Variants in TNKS observed in about 807,000 individuals in gnomAD.
TNKS encodes the protein poly [ADP-ribose] polymerase tankyrase-1.
TNKS carries 72 observed loss-of-function variants against 135.8 expected under a neutral mutation model. The ratio of observed to expected loss-of-function variants is 0.53; its 90% CI spans 0.44 to 0.64. TNKS has a LOEUF of 0.64. TNKS is among the 30% of genes least tolerant of loss of function. TNKS has a pLI of 0.00. For synonymous variants in TNKS, 849 were observed against 649.3 expected, an observed-to-expected ratio of 1.31 and a Z score of -4.68; for missense variants, 1,769 against 1,674.0, an observed-to-expected ratio of 1.06 and a Z score of -0.99.
At chr8:9,766,480 TGTC>T in intron 25 of TNKS, 55 bp downstream of exon 25, 6 of 1,331,646 alleles carry the variant, frequency 4.5e-6, no homozygotes, top group South Asian at 4.1e-5. Context: ...CGAACCAAAT[TGTC>T]TTTTTTTTTT....
chr8:9,652,539 T>C, intron 3 of TNKS, among the ~76,000 whole-genome samples: 1 of 152,212 alleles, frequency 6.6e-6, no homozygotes, highest in South Asian at 2.1e-4. Context: ...TTTGTTTAAA[T>C]AAAATATGTT....
rs201739957 is a variant in TNKS at position 9,660,728 on chromosome 8, C to T, written c.995-19223C>T. Among the ~76,000 whole-genome samples, 33 of 152,164 alleles carry T rather than the reference C, an allele frequency of 2.2e-4. No individual in the cohort carries two copies. The South Asian group carries it at 4.6e-3, about 21-fold the overall frequency. On this transcript the variant is annotated intron_variant, in intron 3 of 26. Transcript: ENST00000310430. ...TCCTATTCAACATAGTGTTGGAAGT[C>T]CTGGCCAGGGCAATCAGGCAGGAGA... is the stretch of plus-strand genomic sequence containing the variant.
At position 9,555,996 on chromosome 8, in the gene TNKS, G is replaced by T; in HGVS notation, c.57G>T (p.Gln19His). The T allele has an allele frequency of 6.2e-7, 1 of 1,613,338 alleles. No individual in the cohort carries two copies. The highest frequency in any genetic ancestry group is 1.3e-5 in the African/African-American group (1 of 75,038). ...HHHHHHQQQL[Q>H]PAPGASAPPP... ...ACCACCATCATCAACAACAGCTCCA[G>T]CCCGCCCCAGGGGCTTCAGCGCCGC... The change falls in exon 1 of 27, where the codon CAG becomes CAT. Residue 19 changes from glutamine (Q) to histidine (H), a missense_variant. Physicochemically the swap from Gln to His is conservative, Grantham distance 24. Transcript: ENST00000310430.
intron 15 of TNKS, 30 bp from the exon 16 acceptor site, chr8:9,734,835 C>G: frequency 1.9e-6 from 3 of 1,585,274 alleles, no homozygotes; most frequent in South Asian, 1.2e-5. Flanking sequence ...ACAGAAAATA[C>G]AAACCCCATT....
intron 25 of TNKS, among the ~76,000 whole-genome samples, chr8:9,768,305 GC>G (rs1807590385): frequency 6.6e-6 from 1 of 152,192 alleles, no homozygotes; most frequent in South Asian, 2.1e-4. Flanking sequence ...GCATTCATGA[GC>G]TGGCCACAGT....
intron 3 of TNKS, among the ~76,000 whole-genome samples, chr8:9,652,486 C>T (rs776583965): frequency 1.3e-5 from 2 of 152,052 alleles, no homozygotes; most frequent in African/African-American, 2.4e-5. Flanking sequence ...TCTAGGGATG[C>T]AGGAAAATAT....
chr8:9,654,821 G>A (rs1028152294), intron 3 of TNKS, among the ~76,000 whole-genome samples: 3 of 152,212 alleles, frequency 2.0e-5, no homozygotes, highest in East Asian at 1.9e-4. Context: ...CAGCGTGAGC[G>A]ACACAGAAGA....
chr8:9,741,100 C>G (rs1024273318), intron 17 of TNKS: 4 of 152,188 alleles, frequency 2.6e-5, no homozygotes, highest in African/African-American at 7.2e-5. Context: ...CGTGAGCCAC[C>G]ACGCCCGGCC....
In TNKS at chr8:9,766,336, C is replaced by T; in HGVS notation, c.3651C>T (p.Asn1217=). 1 of 1,613,922 alleles carries T rather than the reference C, an allele frequency of 6.2e-7. No individual in the cohort carries two copies. The highest frequency in any genetic ancestry group is 8.5e-7 in the Non-Finnish European group (1 of 1,179,948). The change falls in exon 25 of 27, where the codon AAC becomes AAT. Residue 1217 remains asparagine (N), a synonymous_variant. Coordinates refer to ENST00000310430, the MANE Select transcript of TNKS (RefSeq NM_003747.3). ...GGGCCGGGATTTATTTTGCTGAAAA[C>T]TCCTCAAAAAGCAACCAATATGTTT... ...MFGAGIYFAE[N]SSKSNQYVYG...
intron 15 of TNKS, among the ~76,000 whole-genome samples, chr8:9,734,487 T>A (rs1008281833): frequency 6.6e-6 from 1 of 152,186 alleles, no homozygotes; most frequent in Non-Finnish European, 1.5e-5. Context: ...CTCTTCTTTT[T>A]CATACCTACT....
chr8:9,636,062 T>G (rs1399530986), intron 3 of TNKS, among the ~76,000 whole-genome samples: 3 of 152,222 alleles, frequency 2.0e-5, no homozygotes, highest in East Asian at 3.8e-4. Context: ...AAATAGGCAC[T>G]GAAGTACTAA....
At position 9,751,856 on chromosome 8, in the gene TNKS, C is replaced by T. The variant is rs1806556655; in HGVS notation, c.3070+10C>T. The T allele has an allele frequency of 1.2e-6, 2 of 1,610,426 alleles. No homozygotes were observed. The highest frequency in any genetic ancestry group is 1.3e-5 in the African/African-American group (1 of 74,840). ...AGGAAGGAAGGAGAAGGTGAGTAGA[C>T]CCCATGAATGCTTATTTATTTATAC... is the stretch of plus-strand genomic sequence containing the variant. On this transcript the variant is annotated intron_variant, in intron 19 of 26. Transcript: ENST00000310430.
rs897735431 is a variant in TNKS, at chr8:9,628,217, C to G, written c.994+12540C>G. 3.9e-5 allele frequency among the ~76,000 whole-genome samples: 6 copies of G among 152,290 alleles called. No individual in the cohort carries two copies. The East Asian group carries it at 1.2e-3, about 29-fold the overall frequency. ...CAATTCTTACACCACTCTTTAGTCA[C>G]TTGTTTTTCTGCTTCCCTTTAGAGT... On this transcript the variant is annotated intron_variant, in intron 3 of 26. Transcript: ENST00000310430.
intron 3 of TNKS, among the ~76,000 whole-genome samples, chr8:9,661,990 G>A (rs1221567973): frequency 6.6e-6 from 1 of 152,202 alleles, no homozygotes; most frequent in Non-Finnish European, 1.5e-5. Flanking sequence ...AAAAAATGCT[G>A]CTCATCATCA....
intron 3 of TNKS, among the ~76,000 whole-genome samples, chr8:9,638,484 C>G (rs1474928204): frequency 1.3e-5 from 2 of 152,146 alleles, no homozygotes; most frequent in Non-Finnish European, 2.9e-5. Context: ...CCATATATAC[C>G]TACATGTGTA....
rs549633827 is a variant in TNKS, at chr8:9,647,215, T to TA, written c.994+31539dup. Among the ~76,000 whole-genome samples, 12 of 152,310 alleles carry TA rather than the reference T, an allele frequency of 7.9e-5. No individual in the cohort carries two copies. The South Asian group carries it at 2.3e-3, about 29-fold the overall frequency. On this transcript the variant is annotated intron_variant, in intron 3 of 26. Coordinates refer to ENST00000310430, the MANE Select transcript of TNKS (RefSeq NM_003747.3). Reference sequence around the variant, plus strand: ...TTCTACCCTCAGTCTAGACAATACTTACCTTTGTTCACTTTTTGCGTAATG... The same window carrying TA: ...TTCTACCCTCAGTCTAGACAATACTTAACCTTTGTTCACTTTTTGCGTAATG...
chr8:9,578,845 C>G (rs917987461), intron 1 of TNKS, among the ~76,000 whole-genome samples: 59 of 152,162 alleles, frequency 3.9e-4, no homozygotes, highest in African/African-American at 1.3e-3. Context: ...AATTAAGATT[C>G]TAGCTTGTGA....
intron 3 of TNKS, among the ~76,000 whole-genome samples, chr8:9,654,643 G>A (rs1183021173): frequency 6.6e-6 from 1 of 152,180 alleles, no homozygotes; most frequent in African/African-American, 2.4e-5. Flanking sequence ...TCTATTTGTT[G>A]CTTTGCAAGC....
rs780315234 is a variant in TNKS, at chr8:9,734,831, A to G, written c.2314-34A>G. 3.2e-6 allele frequency: 5 copies of G among 1,578,214 alleles called. No individual in the cohort carries two copies. The Admixed American group carries it at 8.9e-5, about 28-fold the overall frequency. On this transcript the variant is annotated intron_variant, in intron 15 of 26. Coordinates refer to ENST00000310430, the MANE Select transcript of TNKS (RefSeq NM_003747.3). ...ACCTACCTACCTACTTACTACAGAA[A>G]ATACAAACCCCATTTGGTTTTTCTT...
Sources: allele counts gnomAD v4.1 joint callset (sites outside exome capture counted in the v4.1 genomes callset), GRCh38; gene constraint gnomAD v4.1.1; transcripts MANE v1.5; gene names NCBI Gene and HGNC (gene_info 2026-07-23, HGNC 2026-07-21).